SYNE2: variants seen among roughly 807,000 people sequenced by gnomAD.
SYNE2 encodes the protein nesprin-2.
SYNE2 carries 431 observed loss-of-function variants against 856.3 expected under a neutral mutation model. That is an observed-to-expected ratio of 0.50 (90% CI 0.47 to 0.55). The LOEUF (loss-of-function observed/expected upper bound fraction) is 0.55. Ranked by LOEUF, SYNE2 falls within the 20% of genes least tolerant of loss-of-function variation. The pLI, the probability that SYNE2 is intolerant of heterozygous loss-of-function variation, is 0.00. For missense variants in SYNE2, 8,129 were observed against 8,023.2 expected (o/e 1.01, Z -0.50); for synonymous variants, 2,923 against 2,872.3 (o/e 1.02, Z -0.56).
At chr14:64,005,001 G>A (rs2096785275) in intron 30 of SYNE2, among the ~76,000 whole-genome samples, 1 of 152,232 alleles carries the variant, frequency 6.6e-6, no homozygotes, top group African/African-American at 2.4e-5. Flanking sequence ...GCAAGAGCAA[G>A]CCACTTGAAC....
At chr14:63,920,220 A>G (rs2095583420) in intron 2 of SYNE2, among the ~76,000 whole-genome samples, 1 of 152,004 alleles carries the variant, frequency 6.6e-6, no homozygotes, top group African/African-American at 2.4e-5. Context: ...CTATCACAGT[A>G]TCATGGGGTA....
chr14:64,085,562 A>G (rs2097555064), intron 57 of SYNE2, among the ~76,000 whole-genome samples: 1 of 152,250 alleles, frequency 6.6e-6, no homozygotes, highest in Non-Finnish European at 1.5e-5. Context: ...TCTGACTTTT[A>G]CGATGTGTTT....
At chr14:64,142,910 C>T (rs2098151345) in intron 82 of SYNE2, among the ~76,000 whole-genome samples, 1 of 152,208 alleles carries the variant, frequency 6.6e-6, no homozygotes, top group Admixed American at 6.5e-5. Context: ...CAGCACTATG[C>T]TGGCCACTGG....
At chr14:63,853,789 G>T (rs1039190056) in intron 1 of SYNE2, among the ~76,000 whole-genome samples, 1 of 152,006 alleles carries the variant, frequency 6.6e-6, no homozygotes, top group Non-Finnish European at 1.5e-5. Context: ...CGCGGGGGCG[G>T]GGGGGCGCTC....
In SYNE2 at chr14:64,215,911, C is replaced by G. The variant is rs543476920; in HGVS notation, c.19403-337C>G. 2,474 of 1,281,836 alleles carry G rather than the reference C, an allele frequency of 1.9e-3. 15 individuals carry two copies. The highest frequency in any genetic ancestry group is 9.3e-3 in the Admixed American group (283 of 30,382). 79.4% of individuals were successfully genotyped at this position (1,281,836 alleles called of 1,614,324 possible). On this transcript the variant is annotated intron_variant, in intron 107 of 115. Coordinates refer to ENST00000555002, the MANE Select transcript of SYNE2 (RefSeq NM_182914.3). ...CAAGTCCATCTTGATGTTCACTCTT[C>G]CCCTCACTCCTGAGAGGCCTTCTGC...
intron 2 of SYNE2, among the ~76,000 whole-genome samples, chr14:63,910,940 C>T (rs1361642544): frequency 6.6e-6 from 1 of 152,146 alleles, no homozygotes; most frequent in Non-Finnish European, 1.5e-5. Context: ...AATTGTAAAC[C>T]AGATGTCTGG....
intron 1 of SYNE2, among the ~76,000 whole-genome samples, chr14:63,906,121 G>A (rs897777566): frequency 3.9e-5 from 6 of 152,136 alleles, no homozygotes; most frequent in African/African-American, 7.2e-5. Context: ...ATTTGCATAT[G>A]TTAGAACCAA....
At chr14:64,150,562 G>A (rs909265020) in intron 84 of SYNE2, among the ~76,000 whole-genome samples, 5 of 152,062 alleles carry the variant, frequency 3.3e-5, no homozygotes, top group African/African-American at 1.2e-4. Flanking sequence ...GTGTGTGTGT[G>A]TGTGTGTGTT....
chr14:64,200,116 G>A (rs540129226), intron 99 of SYNE2, among the ~76,000 whole-genome samples: 3 of 152,032 alleles, frequency 2.0e-5, no homozygotes, highest in Admixed American at 6.6e-5. Context: ...GAATTCTTCC[G>A]GTGTGTTAAT....
chr14:63,783,637 G>C (rs926973041), intron 1 of SYNE2, among the ~76,000 whole-genome samples: 2 of 152,174 alleles, frequency 1.3e-5, no homozygotes, highest in African/African-American at 2.4e-5. Flanking sequence ...ATCTAATTAT[G>C]ATGAAACATA....
Position 64,097,935 on chromosome 14 carries a change from CTCTT to C in SYNE2, c.12109-10_12109-7del, listed in dbSNP as rs755277543. 695 of 1,614,182 alleles carry C rather than the reference CTCTT, an allele frequency of 4.3e-4. 4 individuals are homozygous for C. Among genetic ancestry groups the C allele is most frequent in the South Asian group, 3.5e-3 (321 of 91,072 alleles). ...CAGACTTCTCAAACCTATGCAAACA[CTCTT>C]TCTACACAGGGAGAAATCGAACGTA... On this transcript the variant is annotated splice_polypyrimidine_tract_variant and intron_variant, in intron 61 of 115. Coordinates refer to ENST00000555002, the MANE Select transcript of SYNE2 (RefSeq NM_182914.3).
intron 1 of SYNE2, among the ~76,000 whole-genome samples, chr14:63,813,230 CT>C (rs1421034675): frequency 6.6e-6 from 1 of 152,162 alleles, no homozygotes; most frequent in Non-Finnish European, 1.5e-5. Flanking sequence ...TGAGACTAAA[CT>C]TATTTTGGAA....
chr14:64,131,653 C>T (rs988364943), intron 76 of SYNE2, among the ~76,000 whole-genome samples: 1 of 152,090 alleles, frequency 6.6e-6, no homozygotes, highest in Non-Finnish European at 1.5e-5. Context: ...GTAATCATAG[C>T]TCATTGTAGC....
At chr14:63,806,680 G>T (rs1312968892) in intron 1 of SYNE2, among the ~76,000 whole-genome samples, 1 of 151,940 alleles carries the variant, frequency 6.6e-6, no homozygotes, top group Non-Finnish European at 1.5e-5. Flanking sequence ...GTTCATAATA[G>T]TTTTTGAGGG....
At chr14:64,069,028 C>T (rs1039447380) in intron 51 of SYNE2, among the ~76,000 whole-genome samples, 1 of 152,032 alleles carries the variant, frequency 6.6e-6, no homozygotes, top group African/African-American at 2.4e-5. Flanking sequence ...TGAGGGGAGC[C>T]GAAACAGGAA....
chr14:64,129,745 T>G (rs374498004), intron 74 of SYNE2, 37 bp from the exon 75 acceptor site: 1 of 1,613,270 alleles, frequency 6.2e-7, no homozygotes, highest in African/African-American at 1.3e-5. Context: ...TCTGACTTAC[T>G]GAAGGGTTTT....
intron 1 of SYNE2, among the ~76,000 whole-genome samples, chr14:63,908,424 A>T (rs2095434059): frequency 6.6e-6 from 1 of 152,190 alleles, no homozygotes; most frequent in African/African-American, 2.4e-5. Flanking sequence ...ATAGTGGTAA[A>T]TAAATACATG....
Position 64,021,485 on chromosome 14 carries a change from T to C in SYNE2, c.5322T>C (p.Ser1774=), listed in dbSNP as rs2096935607. ...CCCTCTTAAAAGCCCTGTCTCCTTCTGACAGCTTGGAGATCTTCACTAAAC... is the reference window on the plus strand; with the variant it reads ...CCCTCTTAAAAGCCCTGTCTCCTTCCGACAGCTTGGAGATCTTCACTAAAC... ...TESLLKALSP[S]DSLEIFTKLE... is the part of the protein sequence containing the mutation. The change falls in exon 36 of 116, where the codon TCT becomes TCC. Residue 1774 remains serine, a synonymous_variant. Transcript: ENST00000555002. The C allele has an allele frequency of 1.2e-6, 2 of 1,613,862 alleles. No individual in the cohort carries two copies. The highest frequency in any genetic ancestry group is 2.2e-5 in the East Asian group (1 of 44,854).
intron 1 of SYNE2, among the ~76,000 whole-genome samples, chr14:63,812,159 A>G (rs958922733): frequency 2.6e-5 from 4 of 152,100 alleles, no homozygotes; most frequent in Non-Finnish European, 4.4e-5. Flanking sequence ...ACCTCATAAG[A>G]CAGACACTCC....
Sources: gnomAD v4.1 joint callset for allele counts (sites outside exome capture counted in the v4.1 genomes callset) on GRCh38, gnomAD v4.1.1 for gene constraint, MANE v1.5 for transcripts, NCBI Gene and HGNC (gene_info 2026-07-23, HGNC 2026-07-21) for gene names.